Variants in IGSF10 observed in about 807,000 individuals in gnomAD.
IGSF10 encodes the protein immunoglobulin superfamily member 10.
Under a neutral mutation model 128.2 loss-of-function variants are expected in IGSF10, and 126 were observed. That is an observed-to-expected ratio of 0.98 (90% CI 0.85 to 1.14). The LOEUF (loss-of-function observed/expected upper bound fraction) is 1.14, where lower values mean the gene tolerates loss of function less well. Ranked by LOEUF, IGSF10 falls within the 50% of genes most tolerant of loss-of-function variation. The pLI is 0.00. For synonymous variants in IGSF10, 1,185 were observed against 1,146.2 expected, an observed-to-expected ratio of 1.03 and a Z score of -0.68; for missense variants, 3,295 against 3,149.8, an observed-to-expected ratio of 1.05 and a Z score of -1.10.
the IGSF10 span, among the ~76,000 whole-genome samples, chr3:151,471,144 G>A: frequency 6.6e-6 from 1 of 152,120 alleles, no homozygotes; most frequent in African/African-American, 2.4e-5. Flanking sequence ...AGATCTGATG[G>A]TTTTATAAAG....
intron 7 of IGSF10, among the ~76,000 whole-genome samples, chr3:151,441,856 T>C: frequency 6.6e-6 from 1 of 152,110 alleles, no homozygotes; most frequent in Non-Finnish European, 1.5e-5. Flanking sequence ...GGTCAGGAGA[T>C]CAAGACCATC....
the IGSF10 span, among the ~76,000 whole-genome samples, chr3:151,590,353 T>TA: frequency 5.1e-3 from 775 of 151,240 alleles, no homozygotes; most frequent in Non-Finnish European, 8.9e-3. Context: ...TTGAGTAATT[T>TA]AAAAAAAAAT....
chr3:151,488,511 G>A, the IGSF10 span, among the ~76,000 whole-genome samples: 2 of 152,136 alleles, frequency 1.3e-5, no homozygotes, highest in South Asian at 4.2e-4. Flanking sequence ...AGCCCGCATA[G>A]CCAAGATAAT....
At chr3:151,513,708 A>G in the IGSF10 span, among the ~76,000 whole-genome samples, 1 of 152,198 alleles carries the variant, frequency 6.6e-6, no homozygotes, top group Non-Finnish European at 1.5e-5. Flanking sequence ...ACATGATTGT[A>G]TATCTAGAAA....
At chr3:151,435,000 AT>A (rs930986416), downstream of IGSF10, 25 of 117,482 alleles carry the variant, frequency 2.1e-4, no homozygotes, top group South Asian at 2.9e-4. Flanking sequence ...TATAAAGAAA[AT>A]AACTAGAATT....
the IGSF10 span, among the ~76,000 whole-genome samples, chr3:151,545,801 G>A: frequency 7.9e-6 from 1 of 126,256 alleles, no homozygotes; most frequent in Admixed American, 8.2e-5. Flanking sequence ...AACATTTTTG[G>A]ATGGAAAGAA....
At position 151,445,569 on chromosome 3, in the gene IGSF10, G is replaced by A. The variant is rs1721137730; in HGVS notation, c.4412C>T (p.Thr1471Ile). The change falls in exon 6 of 8, where the codon ACT becomes ATT. Residue 1471 changes from threonine (T) to isoleucine (I), a missense_variant. Transcript: ENST00000282466. The part of the protein sequence containing the change: ...TIPPFLSSSA[T>I]LMPVPISPPF... ...AGGGGAGATGGGAACTGGCATTAGA[G>A]TAGCACTGCTGCTCAAGAATGGTGG... 3.1e-6 allele frequency: 5 copies of A among 1,614,188 alleles called. No homozygotes were observed. Among genetic ancestry groups the A allele is most frequent in the East Asian group, 4.5e-5 (2 of 44,886 alleles).
chr3:151,437,741 T>A lies in IGSF10; in HGVS notation c.6820A>T (p.Ile2274Phe), dbSNP rs1720482859. The A allele has an allele frequency of 6.2e-7, 1 of 1,614,072 alleles. No homozygotes were observed. Among genetic ancestry groups the A allele is most frequent in the Non-Finnish European group, 8.5e-7 (1 of 1,179,996 alleles). Residue 2274 changes from isoleucine (I) to phenylalanine (F), a missense_variant, in exon 8 of 8, where the codon ATC becomes TTC. Physicochemically the swap from Ile to Phe is conservative, Grantham distance 21. Coordinates refer to ENST00000282466, the MANE Select transcript of IGSF10 (RefSeq NM_178822.5). ...EGTPSPEVMW[I>F]MPDNIFLTAP... is the part of the protein sequence containing the mutation. ...GTGAGGAAAATATTGTCTGGCATGA[T>A]CCACATGACTTCAGGAGATGGTGTC... is the stretch of plus-strand genomic sequence containing the variant.
chr3:151,460,987 A>G lies in IGSF10; in HGVS notation c.-130T>C, dbSNP rs964050838. On this transcript the variant is annotated 5_prime_UTR_variant, in exon 1 of 8. Transcript: ENST00000282466. ...CCAATGGGCTCGAGCTGCCCGGGCT[A>G]GGTCCCGGGCTCGGTCCCGGGCTCA... 3 of 984,522 alleles carry G rather than the reference A, an allele frequency of 3.0e-6. No individual in the cohort carries two copies. The African/African-American group carries it at 5.2e-5, about 17-fold the overall frequency. 61.0% of individuals were successfully genotyped at this position (984,522 alleles called of 1,614,324 possible). A position where few individuals can be genotyped will look rare whatever the true frequency, so the allele number is the denominator to read the frequency against.
intron 5 of IGSF10, among the ~76,000 whole-genome samples, chr3:151,453,084 C>G (rs146904825): frequency 2.1e-3 from 316 of 152,184 alleles, no homozygotes; most frequent in East Asian, 5.4e-3. Flanking sequence ...CTATGAGGAC[C>G]TGGCTTGTAG....
intron 7 of IGSF10, among the ~76,000 whole-genome samples, chr3:151,441,108 C>T (rs557175772): frequency 2.6e-5 from 4 of 152,278 alleles, no homozygotes; most frequent in African/African-American, 9.6e-5. Context: ...AATTCCCAGA[C>T]AATGCTAATG....
the IGSF10 span, among the ~76,000 whole-genome samples, chr3:151,500,279 A>G: frequency 1.3e-5 from 2 of 151,780 alleles, no homozygotes; most frequent in Non-Finnish European, 2.9e-5. Flanking sequence ...AAGAGAATGA[A>G]TCATGTATTG....
chr3:151,484,522 G>C, the IGSF10 span, among the ~76,000 whole-genome samples: 1 of 152,122 alleles, frequency 6.6e-6, no homozygotes. Context: ...CTCCCAGTAG[G>C]GGCCAACAGA....
chr3:151,504,909 C>G, the IGSF10 span, among the ~76,000 whole-genome samples: 1 of 152,206 alleles, frequency 6.6e-6, no homozygotes, highest in Non-Finnish European at 1.5e-5. Flanking sequence ...TGGCCTCAGC[C>G]TGGACTTCAT....
the IGSF10 span, among the ~76,000 whole-genome samples, chr3:151,470,174 C>G: frequency 1.3e-5 from 2 of 152,154 alleles, no homozygotes; most frequent in African/African-American, 4.8e-5. Flanking sequence ...TACTCTCATT[C>G]AGTACATAGA....
chr3:151,445,769 A>C lies in IGSF10; in HGVS notation c.4212T>G (p.Ile1404Met), dbSNP rs764426842. ...TTGAATGAAAACTGATTGTGCTTGAAATCCCAGTTGTGTTTTCTGGTGGGG... is the reference window on the plus strand; with the variant it reads ...TTGAATGAAAACTGATTGTGCTTGACATCCCAGTTGTGTTTTCTGGTGGGG... The part of the protein sequence containing the change: ...THSPPENTTG[I>M]SSTISFHSRT... Residue 1404 changes from isoleucine (I) to methionine (M), a missense_variant, in exon 6 of 8, where the codon ATT becomes ATG. Physicochemically the swap from Ile to Met is conservative, Grantham distance 10. Transcript: ENST00000282466. 2.5e-6 allele frequency: 4 copies of C among 1,614,118 alleles called. No homozygotes were observed. In the South Asian group the frequency reaches 4.4e-5, roughly 18 times the overall value.
At chr3:151,506,160 G>T in the IGSF10 span, among the ~76,000 whole-genome samples, 2 of 152,034 alleles carry the variant, frequency 1.3e-5, no homozygotes, top group East Asian at 1.9e-4. Flanking sequence ...TCACCATGTT[G>T]GCCAGGATGG....
chr3:151,442,095 C>A (rs2108539435), intron 7 of IGSF10, among the ~76,000 whole-genome samples: 1 of 152,202 alleles, frequency 6.6e-6, no homozygotes, highest in African/African-American at 2.4e-5. Flanking sequence ...TATAACAGAC[C>A]AGAGAAAGTG....
At chr3:151,619,086 A>T in the IGSF10 span, among the ~76,000 whole-genome samples, 3 of 151,870 alleles carry the variant, frequency 2.0e-5, no homozygotes, top group African/African-American at 7.2e-5. Context: ...AATAAAATAT[A>T]ATGTAAATAC....
Sources: allele counts gnomAD v4.1 joint callset (sites outside exome capture counted in the v4.1 genomes callset), GRCh38; gene constraint gnomAD v4.1.1; transcripts MANE v1.5; gene names NCBI Gene and HGNC (gene_info 2026-07-23, HGNC 2026-07-21).